Variants in ALG1 observed in about 807,000 individuals in gnomAD.
The protein encoded by ALG1 is ALG1 chitobiosyldiphosphodolichol beta-mannosyltransferase, also known as chitobiosyldiphosphodolichol beta-mannosyltransferase.
ALG1 carries 58 observed loss-of-function variants against 55.1 expected under a neutral mutation model. That is an observed-to-expected ratio of 1.05 (90% CI 0.85 to 1.31). The LOEUF (loss-of-function observed/expected upper bound fraction) is 1.31, where lower values mean the gene tolerates loss of function less well. Among genes scored for constraint, ALG1 ranks in the 50% most tolerant of loss-of-function variants. ALG1 has a pLI of 0.00. For missense variants in ALG1, 761 were observed against 598.6 expected, an observed-to-expected ratio of 1.27 and a Z score of -2.83; for synonymous variants, 309 against 247.0, an observed-to-expected ratio of 1.25 and a Z score of -2.35.
chr16:5,080,968 T>C lies in ALG1; in HGVS notation c.984T>C (p.Tyr328=). 4 of 1,596,290 alleles carry C rather than the reference T, an allele frequency of 2.5e-6. No individual in the cohort carries two copies. The highest frequency in any genetic ancestry group is 3.4e-6 in the Non-Finnish European group (4 of 1,179,712). ...AAGGCAAAGGGCCTCTGAGGGAGTA[T>C]TATAGCCGCCTCATCCACCAGAAGC... The part of the protein sequence containing the change: ...VITGKGPLRE[Y]YSRLIHQKHF... Residue 328 remains tyrosine, a synonymous_variant, in exon 10 of 13, where the codon TAT becomes TAC. Coordinates refer to ENST00000262374, the MANE Select transcript of ALG1 (RefSeq NM_019109.5).
chr16:5,083,958 C>T (rs1596263343), intron 12 of ALG1, among the ~76,000 whole-genome samples: 1 of 152,114 alleles, frequency 6.6e-6, no homozygotes, highest in South Asian at 2.1e-4. Context: ...AGTTAAGACA[C>T]ACCCCCACCT....
At chr16:5,084,557 A>C in intron 12 of ALG1, 193 bp from the exon 13 acceptor site, 1 of 882,458 alleles carries the variant, frequency 1.1e-6, no homozygotes, top group Non-Finnish European at 1.8e-6. Flanking sequence ...CATGCGGGGA[A>C]GTTTCCAGAA....
At position 5,086,745 on chromosome 16, in the gene ALG1, A is replaced by G. The variant is rs2142744116; in HGVS notation, c.*1864A>G. On this transcript the variant is annotated 3_prime_UTR_variant, in exon 13 of 13. Coordinates refer to ENST00000262374, the MANE Select transcript of ALG1 (RefSeq NM_019109.5). ...GAGTGCAGTGGCACAATCTCAGCTCACTGCAACGCCTCCCAGGTTCAAGTG... is the reference window on the plus strand; with the variant it reads ...GAGTGCAGTGGCACAATCTCAGCTCGCTGCAACGCCTCCCAGGTTCAAGTG... 6.6e-6 allele frequency: 1 copy of G among 152,320 alleles called. No homozygotes were observed. The highest frequency in any genetic ancestry group is 1.5e-5 in the Non-Finnish European group (1 of 68,046). The allele number at this position is 152,320 out of a possible 1,614,324, so 9.4% of individuals were successfully genotyped here. A position where few individuals can be genotyped will look rare whatever the true frequency, so the allele number is the denominator to read the frequency against.
intron 12 of ALG1, chr16:5,084,444 G>T (rs1440056145): frequency 5.5e-6 from 3 of 547,636 alleles, no homozygotes; most frequent in Non-Finnish European, 9.9e-6. Flanking sequence ...ACAGATGGGT[G>T]AGACTGCGTT....
intron 5 of ALG1, 56 bp downstream of exon 5, chr16:5,077,590 T>A: frequency 5.9e-6 from 9 of 1,527,522 alleles, no homozygotes; most frequent in Non-Finnish European, 8.2e-6. Flanking sequence ...CCTGATTGGC[T>A]GCAGTGAGAG....
chr16:5,080,873 A>C lies in ALG1; in HGVS notation c.962-73A>C, dbSNP rs1370345541. 21 of 1,553,706 alleles carry C rather than the reference A, an allele frequency of 1.4e-5. No individual in the cohort carries two copies. In the East Asian group the frequency reaches 2.5e-4, roughly 18 times the overall value. ...GGGAAAGGGATCCCTCCTAGGGGGG[A>C]GTGTCTTGGGCCTGGGGCCACGTGG... On this transcript the variant is annotated intron_variant, in intron 9 of 12. Transcript: ENST00000262374.
chr16:5,082,476 G>A, intron 10 of ALG1, 83 bp from the exon 11 acceptor site: 1 of 1,445,720 alleles, frequency 6.9e-7, no homozygotes, highest in Non-Finnish European at 9.6e-7. Context: ...ACTCTCCTTG[G>A]GGGATGCTGC....
rs750405537 is a variant in ALG1 at position 5,077,519 on chromosome 16, AT to A, written c.615del (p.Asp205GlufsTer8). Reference sequence around the variant, plus strand: ...AATGCTATGCGAGAAGACCTGGCGGATAACTGGCACATCAGGTACCATGGCC... The same window carrying A: ...AATGCTATGCGAGAAGACCTGGCGGAAACTGGCACATCAGGTACCATGGCC... ...VTNAMREDLADNWHIRAVTVY... is the reference protein window; with the variant it reads ...VTNAMREDLAXNWHIRAVTVY... On this transcript the variant is annotated frameshift_variant, in exon 5 of 13. Coordinates refer to ENST00000262374, the MANE Select transcript of ALG1 (RefSeq NM_019109.5). LOFTEE classifies it high-confidence loss of function. 1 of 1,614,096 alleles carries A rather than the reference AT, an allele frequency of 6.2e-7. No individual in the cohort carries two copies. Among genetic ancestry groups the A allele is most frequent in the African/African-American group, 1.3e-5 (1 of 74,952 alleles).
In ALG1 at chr16:5,085,526, T is replaced by G. The variant is rs1596266127; in HGVS notation, c.*645T>G. 7 of 920,114 alleles carry G rather than the reference T, an allele frequency of 7.6e-6. No homozygotes were observed. In the East Asian group the frequency reaches 1.7e-4, roughly 22 times the overall value. The allele number at this position is 920,114 out of a possible 1,614,324, so 57.0% of individuals were successfully genotyped here. A position where few individuals can be genotyped will look rare whatever the true frequency, so the allele number is the denominator to read the frequency against. ...GTTCCTGATTTGGAAATTAACATTC[T>G]CCAAACATTCCAGTCCAATGAAAGT... On this transcript the variant is annotated 3_prime_UTR_variant, in exon 13 of 13. Transcript: ENST00000262374.
Position 5,079,789 on chromosome 16 carries a change from C to G in ALG1, c.943C>G (p.Leu315Val), listed in dbSNP as rs896008002. 6.8e-6 allele frequency: 11 copies of G among 1,611,734 alleles called. No individual in the cohort carries two copies. Among genetic ancestry groups the G allele is most frequent in the African/African-American group, 6.7e-5 (5 of 74,826 alleles). The change falls in exon 9 of 13, where the codon CTC becomes GTC. Residue 315 changes from leucine (L) to valine (V), a missense_variant. Coordinates refer to ENST00000262374, the MANE Select transcript of ALG1 (RefSeq NM_019109.5). Reference protein sequence around the residue: ...LTLDGHNLPSLVCVITGKGPL... With the variant: ...LTLDGHNLPSVVCVITGKGPL... ...TCTTGATGGACACAACCTTCCTTCTCTCGTCTGTGTGATAACAGGTACTGC... is the reference window on the plus strand; with the variant it reads ...TCTTGATGGACACAACCTTCCTTCTGTCGTCTGTGTGATAACAGGTACTGC...
chr16:5,075,096 G>T (rs756171775), intron 3 of ALG1, among the ~76,000 whole-genome samples: 4 of 152,066 alleles, frequency 2.6e-5, no homozygotes, highest in Non-Finnish European at 5.9e-5. Flanking sequence ...TAGAGATGAG[G>T]TCTCACTGTG....
At chr16:5,078,724 G>T in intron 6 of ALG1, 33 bp from the exon 7 acceptor site, 1 of 1,612,290 alleles carries the variant, frequency 6.2e-7, no homozygotes, top group Non-Finnish European at 8.5e-7. Flanking sequence ...CCTGCTCTAT[G>T]GCCTCTCACA....
At chr16:5,075,632 T>C in intron 4 of ALG1, 96 bp downstream of exon 4, 1 of 1,490,654 alleles carries the variant, frequency 6.7e-7, no homozygotes, top group Non-Finnish European at 9.2e-7. Context: ...GTCGGTTCCT[T>C]GTGGGCTCTG....
chr16:5,072,088 G>A (rs1243028057), intron 1 of ALG1, 31 bp downstream of exon 1: 16 of 1,553,094 alleles, frequency 1.0e-5, no homozygotes, highest in Non-Finnish European at 1.2e-5. Context: ...GAGGGACGAT[G>A]CTCTCTCAGC....
chr16:5,072,412 C>G, intron 1 of ALG1: 1 of 522,910 alleles, frequency 1.9e-6, no homozygotes, highest in East Asian at 4.6e-5. Flanking sequence ...TTTCATTCCT[C>G]ATCCCTCAAC....
At chr16:5,080,017 T>G (rs865888256) in intron 9 of ALG1, among the ~76,000 whole-genome samples, 2 of 151,906 alleles carry the variant, frequency 1.3e-5, no homozygotes, top group Non-Finnish European at 2.9e-5. Flanking sequence ...CCAAGCTTTC[T>G]ACTTTTTCAG....
chr16:5,082,872 A>G (rs1957040511), intron 11 of ALG1, among the ~76,000 whole-genome samples, 199 bp downstream of exon 11: 1 of 152,202 alleles, frequency 6.6e-6, no homozygotes, highest in African/African-American at 2.4e-5. Flanking sequence ...TTTAGAGCTC[A>G]TGTTATATTT....
At position 5,078,725 on chromosome 16, in the gene ALG1, G is replaced by T. The variant is rs367992053; in HGVS notation, c.741-32G>T. The T allele has an allele frequency of 1.4e-4, 233 of 1,612,196 alleles. 1 individual carries two copies. The highest frequency in any genetic ancestry group is 1.8e-4 in the Non-Finnish European group (211 of 1,179,794). On this transcript the variant is annotated intron_variant, in intron 6 of 12. Coordinates refer to ENST00000262374, the MANE Select transcript of ALG1 (RefSeq NM_019109.5). ...TCCTGGGTCCCGGGCCTGCTCTATG[G>T]CCTCTCACAGGCTTTTTTTCTGCTC...
chr16:5,073,318 A>C, intron 3 of ALG1, 62 bp downstream of exon 3: 1 of 1,443,566 alleles, frequency 6.9e-7, no homozygotes, highest in Non-Finnish European at 9.7e-7. Flanking sequence ...TTCCAGCACA[A>C]ATTGGTACTA....
Sources: gnomAD v4.1 joint callset for allele counts (sites outside exome capture counted in the v4.1 genomes callset) on GRCh38, gnomAD v4.1.1 for gene constraint, MANE v1.5 for transcripts, NCBI Gene and HGNC (gene_info 2026-07-23, HGNC 2026-07-21) for gene names.